RTEL1: variants seen among roughly 807,000 people sequenced by gnomAD.
RTEL1 encodes regulator of telomere length.
Under a neutral mutation model 162.2 loss-of-function variants are expected in RTEL1, and 86 were observed. That is an observed-to-expected ratio of 0.53 (90% CI 0.45 to 0.63). The LOEUF is 0.63. RTEL1 is among the 30% of genes least tolerant of loss of function. The probability of loss-of-function intolerance (pLI) is 0.00; values close to 1 mark genes in which losing one functional copy is unlikely to be tolerated. For synonymous variants in RTEL1, 958 were observed against 717.9 expected, an observed-to-expected ratio of 1.33 and a Z score of -5.35; for missense variants, 1,941 against 1,750.2, an observed-to-expected ratio of 1.11 and a Z score of -1.95.
rs6062495 is a variant in RTEL1, at chr20:63,695,134, C to G, written c.3412C>G (p.Arg1138Gly). ...FSQTCTDLTG[R>G]PYPGMEPPGP... Reference sequence around the variant, plus strand: ...ACAGACGTGCACAGACCTGACCGGCCGGCCCTACCCGGGCATGGAGCCACC... The same window carrying G: ...ACAGACGTGCACAGACCTGACCGGCGGGCCCTACCCGGGCATGGAGCCACC... Residue 1138 changes from arginine (R) to glycine (G), a missense_variant, in exon 33 of 35, where the codon CGG (arginine) becomes GGG (glycine). Transcript: ENST00000360203. 1 of 1,612,404 alleles carries G rather than the reference C, an allele frequency of 6.2e-7. No homozygotes were observed. Among genetic ancestry groups the G allele is most frequent in the Non-Finnish European group, 8.5e-7 (1 of 1,179,862 alleles).
chr20:63,681,574 A>G (rs1190235317), intron 14 of RTEL1: 2 of 985,080 alleles, frequency 2.0e-6, no homozygotes, highest in African/African-American at 3.5e-5. Context: ...GAGGCCGCAG[A>G]AGAACCCTGG....
intron 8 of RTEL1, among the ~76,000 whole-genome samples, chr20:63,671,446 C>G (rs1251263450): frequency 6.6e-6 from 1 of 152,020 alleles, no homozygotes; most frequent in Non-Finnish European, 1.5e-5. Flanking sequence ...CACATAACTG[C>G]CAGAACTCAG....
chr20:63,682,974 G>GT (rs1315501982), intron 14 of RTEL1, among the ~76,000 whole-genome samples: 1 of 152,076 alleles, frequency 6.6e-6, no homozygotes, highest in Non-Finnish European at 1.5e-5. Context: ...TTGTGGTGGT[G>GT]TTTTTTTGAG....
chr20:63,661,466 A>G lies in RTEL1; in HGVS notation c.271A>G (p.Asn91Asp), dbSNP rs1324294697. The change falls in exon 3 of 35, where the codon AAC becomes GAC. Residue 91 changes from asparagine (N) to aspartate (D), a missense_variant. Physicochemically the swap from Asn to Asp is conservative, Grantham distance 23. Transcript: ENST00000360203. This position sits in a 1 kb window ranked among gnomAD's most constrained non-coding sequence, Gnocchi z 5.1. ...GGATCGGGCCTTGTCATCCTGGGGCAACGCTGCTGCTGCTGCTGGAGACCC... is the reference window on the plus strand; with the variant it reads ...GGATCGGGCCTTGTCATCCTGGGGCGACGCTGCTGCTGCTGCTGGAGACCC... Reference protein sequence around the residue: ...FPDRALSSWGNAAAAAGDPIA... With the variant: ...FPDRALSSWGDAAAAAGDPIA... 6.2e-7 allele frequency: 1 copy of G among 1,612,764 alleles called. No homozygotes were observed. The highest frequency in any genetic ancestry group is 1.3e-5 in the African/African-American group (1 of 74,896).
chr20:63,666,309 A>T (rs1461127394), intron 7 of RTEL1, among the ~76,000 whole-genome samples: 1 of 152,212 alleles, frequency 6.6e-6, no homozygotes, highest in Non-Finnish European at 1.5e-5. Flanking sequence ...TGGAGTGTGG[A>T]CGGAGCCCTG....
chr20:63,667,461 C>T lies in RTEL1; in HGVS notation c.615-8C>T. The T allele has an allele frequency of 6.2e-7, 1 of 1,611,432 alleles. No individual in the cohort carries two copies. On this transcript the variant is annotated splice_region_variant and splice_polypyrimidine_tract_variant and intron_variant, in intron 7 of 34. Coordinates refer to ENST00000360203, the MANE Select transcript of RTEL1 (RefSeq NM_001283009.2). ...TGCTCACAGGATCTTCTCCTCTCTC[C>T]TTCCCAGGGTGTGCCCTTACTACCT...
intron 7 of RTEL1, among the ~76,000 whole-genome samples, chr20:63,666,568 C>T (rs2090132913): frequency 2.0e-5 from 3 of 152,200 alleles, no homozygotes; most frequent in Admixed American, 2.0e-4. Context: ...CAGGGTCTCG[C>T]TCTGCTACCC....
chr20:63,662,767 G>A, intron 5 of RTEL1, 62 bp from the exon 6 acceptor site: 1 of 1,601,842 alleles, frequency 6.2e-7, no homozygotes, highest in Non-Finnish European at 8.6e-7. Flanking sequence ...GTGGGGGTGG[G>A]GACTGGCTTC....
At chr20:63,688,927 C>T (rs962117453) in intron 21 of RTEL1, 128 bp from the exon 22 acceptor site, 6 of 846,934 alleles carry the variant, frequency 7.1e-6, no homozygotes, top group Admixed American at 2.0e-5. Flanking sequence ...AAGAAGCTTC[C>T]AGAACCCGAT....
Position 63,689,051 on chromosome 20 carries a change from C to T in RTEL1, c.1801-4C>T. ...AGGCTCAGCCTCACCAACTTTCCTT[C>T]CAGACCATCAGTGCTTACTATGCAA... On this transcript the variant is annotated splice_polypyrimidine_tract_variant and splice_region_variant and intron_variant, in intron 21 of 34. Coordinates refer to ENST00000360203, the MANE Select transcript of RTEL1 (RefSeq NM_001283009.2). The T allele has an allele frequency of 6.2e-7, 1 of 1,610,450 alleles. No individual in the cohort carries two copies. The highest frequency in any genetic ancestry group is 8.5e-7 in the Non-Finnish European group (1 of 1,179,594).
chr20:63,690,478 T>TTGGGGGGGG, intron 26 of RTEL1, 37 bp downstream of exon 26: 1 of 553,882 alleles, frequency 1.8e-6, no homozygotes, highest in Non-Finnish European at 2.8e-6. Context: ...GGTGTGGGGG[T>TTGGGGGGGG]GGCGGAGCGG....
At chr20:63,684,420 C>G (rs1009059329) in intron 14 of RTEL1, among the ~76,000 whole-genome samples, 73 of 152,306 alleles carry the variant, frequency 4.8e-4, no homozygotes, top group African/African-American at 1.7e-3. Flanking sequence ...GTGGCGCGAT[C>G]TCGGCTCACT....
upstream of RTEL1, chr20:63,658,208 C>A (rs1223442493): frequency 6.6e-6 from 1 of 152,302 alleles, no homozygotes; most frequent in African/African-American, 2.4e-5. Context: ...ACAGAACGCG[C>A]AAAACGCCGT....
In RTEL1 at chr20:63,694,722, C is replaced by T. The variant is rs765873434; in HGVS notation, c.3110-19C>T. The T allele has an allele frequency of 2.0e-5, 31 of 1,577,550 alleles. No individual in the cohort carries two copies. The highest frequency in any genetic ancestry group is 5.4e-5 in the African/African-American group (4 of 73,938). ...CCTCCACCCCAGCGCCACTCTGAGC[C>T]ATGCTACTCCCACACCAGGAGACCC... On this transcript the variant is annotated intron_variant, in intron 31 of 34. Transcript: ENST00000360203.
chr20:63,667,683 G>C lies in RTEL1; in HGVS notation c.699+130G>C, dbSNP rs531697179. 6 of 751,506 alleles carry C rather than the reference G, an allele frequency of 8.0e-6. No homozygotes were observed. The African/African-American group carries it at 1.0e-4, about 13-fold the overall frequency. The allele number at this position is 751,506 out of a possible 1,614,324, so 46.6% of individuals were successfully genotyped here. On this transcript the variant is annotated intron_variant, in intron 8 of 34. Coordinates refer to ENST00000360203, the MANE Select transcript of RTEL1 (RefSeq NM_001283009.2). ...GGCCTGGGTGGGAGGACTCACCTCT[G>C]TCACTGGGCAGGGGCTCAACCTGGC...
In RTEL1 at chr20:63,674,064, C is replaced by A; in HGVS notation, c.890C>A (p.Pro297Gln). ...GCAGCGCAGCAGGGTGAGCCCCACC[C>A]GGAGTTCAGCGCGGACTCCCCCAGC... ...TKAAQQGEPH[P>Q]EFSADSPSPG... Residue 297 changes from proline to glutamine, a missense_variant, in exon 10 of 35, where the codon CCG becomes CAG. Physicochemically the swap from Pro to Gln is moderately conservative, Grantham distance 76. Transcript: ENST00000360203. 6.2e-7 allele frequency: 1 copy of A among 1,613,308 alleles called. No homozygotes were observed. Among genetic ancestry groups the A allele is most frequent in the Non-Finnish European group, 8.5e-7 (1 of 1,179,812 alleles).
intron 15 of RTEL1, 59 bp downstream of exon 15, chr20:63,685,656 G>A: frequency 4.4e-6 from 7 of 1,591,680 alleles, no homozygotes; most frequent in Non-Finnish European, 6.0e-6. Flanking sequence ...GCAGGGCTGG[G>A]GGCCTTACAG....
chr20:63,679,073 C>CTT (rs775420366), intron 12 of RTEL1, among the ~76,000 whole-genome samples: 3 of 152,200 alleles, frequency 2.0e-5, no homozygotes, highest in African/African-American at 7.2e-5. Context: ...GCCACCACCT[C>CTT]TTTTGGACTC....
At chr20:63,695,755 G>GC in intron 34 of RTEL1, 23 bp from the exon 35 acceptor site, 1 of 1,588,652 alleles carries the variant, frequency 6.3e-7, no homozygotes. Context: ...GCAGACGTGT[G>GC]CAGTGGGCCG....
Sources: gnomAD v4.1 joint callset for allele counts (sites outside exome capture counted in the v4.1 genomes callset) on GRCh38, gnomAD v4.1.1 for gene constraint, Gnocchi (gnomAD v3.1) non-coding constraint, MANE v1.5 for transcripts, NCBI Gene and HGNC (gene_info 2026-07-23, HGNC 2026-07-21) for gene names.